SELP: variants seen among roughly 807,000 people sequenced by gnomAD.
SELP encodes the protein P-selectin.
SELP carries 92 observed loss-of-function variants against 104.1 expected under a neutral mutation model. That is an observed-to-expected ratio of 0.88 (90% CI 0.75 to 1.05). The LOEUF is 1.05. Among genes scored for constraint, SELP ranks in the 50% least tolerant of loss-of-function variants. The pLI, the probability that SELP is intolerant of heterozygous loss-of-function variation, is 0.00. For missense variants in SELP, 1,022 were observed against 1,017.3 expected (o/e 1.00, Z -0.06); for synonymous variants, 397 against 364.5 (o/e 1.09, Z -1.01).
chr1:169,622,133 C>T (rs1367960453), intron 1 of SELP, among the ~76,000 whole-genome samples: 2 of 152,166 alleles, frequency 1.3e-5, no homozygotes, highest in Admixed American at 6.5e-5. Context: ...CAGAGCTTTG[C>T]CTTTGGATAT....
At chr1:169,603,307 C>CTCTCTGTGTG (rs879181764) in intron 9 of SELP, 96 bp from the exon 10 acceptor site, 20 of 605,582 alleles carry the variant, frequency 3.3e-5, no homozygotes, top group African/African-American at 2.4e-4. Flanking sequence ...CTCTCTCTCT[C>CTCTCTGTGTG]TGTGTGTGTG....
rs201049860 is a variant in SELP at position 169,603,064 on chromosome 1, C to A, written c.1667G>T (p.Arg556Leu). 3 of 1,613,850 alleles carry A rather than the reference C, an allele frequency of 1.9e-6. No individual in the cohort carries two copies. Among genetic ancestry groups the A allele is most frequent in the Non-Finnish European group, 1.7e-6 (2 of 1,179,936 alleles). The change falls in exon 10 of 17, where the codon CGA (arginine) becomes CTA (leucine). Residue 556 changes from arginine (R) to leucine (L), a missense_variant. By Grantham distance (102) the Arg-to-Leu change is moderately radical. Transcript: ENST00000263686. ...LSGPERLDCT[R>L]SGRWTDSPPM... ...TGGGGAGTCTGTCCAGCGTCCCGAT[C>A]GAGTACAATCCAATCTTTCTGGTCC...
At chr1:169,604,207 A>G (rs1486606465) in intron 9 of SELP, among the ~76,000 whole-genome samples, 1 of 151,772 alleles carries the variant, frequency 6.6e-6, no homozygotes, top group Non-Finnish European at 1.5e-5. Context: ...GCCAGTGATG[A>G]TGAGCATTTT....
At chr1:169,621,991 G>T (rs1408674993) in intron 1 of SELP, among the ~76,000 whole-genome samples, 2 of 152,186 alleles carry the variant, frequency 1.3e-5, no homozygotes, top group Non-Finnish European at 2.9e-5. Context: ...AGCAAAGAGA[G>T]TGTTAATTAA....
intron 10 of SELP, 96 bp from the exon 11 acceptor site, chr1:169,597,272 A>G: frequency 9.2e-7 from 1 of 1,086,922 alleles, no homozygotes; most frequent in Non-Finnish European, 1.3e-6. Context: ...AAAAATATTT[A>G]TTAAGCACCT....
intron 10 of SELP, among the ~76,000 whole-genome samples, chr1:169,600,429 C>T (rs1661844595): frequency 1.3e-5 from 2 of 152,174 alleles, no homozygotes; most frequent in Non-Finnish European, 2.9e-5. Context: ...GTGACTTGGG[C>T]ATCTGGGGAT....
At chr1:169,627,984 C>A (rs1277414399) in intron 1 of SELP, among the ~76,000 whole-genome samples, 1 of 152,222 alleles carries the variant, frequency 6.6e-6, no homozygotes, top group African/African-American at 2.4e-5. Context: ...CCACCTCCAC[C>A]TCCTGGGTTC....
At chr1:169,611,398 G>T in intron 7 of SELP, 94 bp downstream of exon 7, 1 of 1,295,800 alleles carries the variant, frequency 7.7e-7, no homozygotes, top group South Asian at 1.4e-5. Flanking sequence ...CAAGAACTTA[G>T]AAGAGATCAC....
chr1:169,614,798 G>A (rs1308903979), intron 3 of SELP, among the ~76,000 whole-genome samples: 4 of 152,176 alleles, frequency 2.6e-5, no homozygotes, highest in African/African-American at 9.7e-5. Context: ...CTGAGACACT[G>A]GGAAGGGTTC....
At chr1:169,619,015 G>C in intron 2 of SELP, 114 bp downstream of exon 2, 1 of 740,982 alleles carries the variant, frequency 1.3e-6, no homozygotes, top group Non-Finnish European at 2.2e-6. Context: ...TCTGGACTTG[G>C]ACAGTTTTCC....
chr1:169,613,467 G>A, intron 4 of SELP, 119 bp downstream of exon 4: 2 of 748,430 alleles, frequency 2.7e-6, no homozygotes, highest in South Asian at 3.1e-5. Context: ...GGAGACAGAT[G>A]ATAGAGGGGG....
chr1:169,591,489 T>TAAAAAA, intron 14 of SELP, 33 bp from the exon 15 acceptor site: 1 of 1,245,022 alleles, frequency 8.0e-7, no homozygotes, highest in Admixed American at 2.5e-5. Flanking sequence ...AATGAATGAT[T>TAAAAAA]AAAAAAAAAA....
At chr1:169,607,343 A>G (rs1662254229) in intron 8 of SELP, among the ~76,000 whole-genome samples, 1 of 152,196 alleles carries the variant, frequency 6.6e-6, no homozygotes, top group African/African-American at 2.4e-5. Flanking sequence ...TCTTGGCAAC[A>G]TGTGTCAATA....
intron 10 of SELP, among the ~76,000 whole-genome samples, chr1:169,599,272 T>C (rs564053248): frequency 6.6e-6 from 1 of 151,430 alleles, no homozygotes; most frequent in African/African-American, 2.4e-5. Context: ...TTAGTGCAGA[T>C]GCAGGAAAAG....
At chr1:169,605,278 G>C (rs988820156) in intron 9 of SELP, among the ~76,000 whole-genome samples, 1 of 152,156 alleles carries the variant, frequency 6.6e-6, no homozygotes, top group Admixed American at 6.5e-5. Flanking sequence ...GAGCACTTAA[G>C]GGGCAAGGTC....
Position 169,619,177 on chromosome 1 carries a change from C to T in SELP, c.46G>A (p.Val16Met), listed in dbSNP as rs201274608. ...IAILYQRFQR[V>M]VFGISQLLCF... The stretch of plus-strand genomic sequence containing the variant: ...AGGAGTTGGGAAATTCCAAAGACCA[C>T]TCTCTGGAATCTCTGGTACAAGATG... The change falls in exon 2 of 17, where the codon GTG becomes ATG. Residue 16 changes from valine (V) to methionine (M), a missense_variant. Coordinates refer to ENST00000263686, the MANE Select transcript of SELP (RefSeq NM_003005.4). 120 of 1,614,090 alleles carry T rather than the reference C, an allele frequency of 7.4e-5. No individual in the cohort carries two copies. The highest frequency in any genetic ancestry group is 1.7e-4 in the African/African-American group (13 of 75,070).
chr1:169,598,149 C>A (rs183859935), intron 10 of SELP, among the ~76,000 whole-genome samples: 1 of 152,166 alleles, frequency 6.6e-6, no homozygotes, highest in African/African-American at 2.4e-5. Context: ...CAATTTCCCC[C>A]CAAAAGTATT....
At chr1:169,605,440 ATT>A (rs1662131863) in intron 9 of SELP, among the ~76,000 whole-genome samples, 1 of 147,314 alleles carries the variant, frequency 6.8e-6, no homozygotes, top group Admixed American at 7.0e-5. Context: ...TCATTCATTC[ATT>A]CATTCATTTA....
rs770234680 is a variant in SELP, at chr1:169,617,036, C to T, written c.473G>A (p.Cys158Tyr). Residue 158 changes from cysteine to tyrosine, a missense_variant, in exon 3 of 17, where the codon TGT becomes TAT. Transcript: ENST00000263686. ...AGTAGAGAAGGCCCTACCTGTGTAA[C>T]ACAATGCGTGCTTTTTCTTCAAGCA... ...EHCLKKKHALCYTASCQDMSC... is the reference protein window; with the variant it reads ...EHCLKKKHALYYTASCQDMSC... The T allele has an allele frequency of 1.2e-6, 2 of 1,608,848 alleles. No homozygotes were observed. Among genetic ancestry groups the T allele is most frequent in the Non-Finnish European group, 1.7e-6 (2 of 1,177,354 alleles).
Sources: allele counts gnomAD v4.1 joint callset (sites outside exome capture counted in the v4.1 genomes callset), GRCh38; gene constraint gnomAD v4.1.1; transcripts MANE v1.5; gene names NCBI Gene and HGNC (gene_info 2026-07-23, HGNC 2026-07-21).